AKAP13: variants seen among roughly 807,000 people sequenced by gnomAD.
AKAP13 encodes the protein A-kinase anchor protein 13.
Under a neutral mutation model 264.5 loss-of-function variants are expected in AKAP13, and 80 were observed. The ratio of observed to expected loss-of-function variants is 0.30; its 90% CI spans 0.25 to 0.36. The LOEUF is 0.36. Ranked by LOEUF, AKAP13 falls within the 10% of genes least tolerant of loss-of-function variation. The probability of loss-of-function intolerance (pLI) is 1.00; values close to 1 mark genes in which losing one functional copy is unlikely to be tolerated. For missense variants in AKAP13, 3,712 were observed against 3,435.2 expected, an observed-to-expected ratio of 1.08 and a Z score of -2.01; for synonymous variants, 1,380 against 1,250.2, an observed-to-expected ratio of 1.10 and a Z score of -2.19.
intron 1 of AKAP13, among the ~76,000 whole-genome samples, chr15:85,460,742 A>G (rs1437748222): frequency 6.6e-6 from 1 of 152,238 alleles, no homozygotes; most frequent in Non-Finnish European, 1.5e-5. Context: ...GAAAGGTCAG[A>G]TAAATTTGAC....
intron 1 of AKAP13, among the ~76,000 whole-genome samples, chr15:85,430,949 T>C (rs1020366793): frequency 9.2e-5 from 14 of 152,244 alleles, no homozygotes; most frequent in African/African-American, 3.4e-4. Flanking sequence ...AGCTTTTATC[T>C]GTTGCCCCAG....
chr15:85,587,094 C>T lies in AKAP13; in HGVS notation c.4161+1271C>T, dbSNP rs145290811. On this transcript the variant is annotated intron_variant, in intron 8 of 36. Coordinates refer to ENST00000394518, the MANE Select transcript of AKAP13 (RefSeq NM_007200.5). ...TTACAGAGTTCTGCAACCATCGCCA[C>T]TAAGGCTCTAATTTCAGAACATTAT... Among the ~76,000 whole-genome samples the T allele has an allele frequency of 5.9e-4, 90 of 152,292 alleles. No individual in the cohort carries two copies. The East Asian group carries it at 0.011, about 18-fold the overall frequency.
At position 85,434,280 on chromosome 15, in the gene AKAP13, A is replaced by C. The variant is rs1246315522; in HGVS notation, c.-11-51430A>C. 6.6e-5 allele frequency among the ~76,000 whole-genome samples: 10 copies of C among 152,070 alleles called. No homozygotes were observed. In the South Asian group the frequency reaches 2.1e-3, roughly 32 times the overall value. ...TTTCAGACCGGCTTAAAAAACGGCGAACCACGAGATTATATCCCACACCTG... is the reference window on the plus strand; with the variant it reads ...TTTCAGACCGGCTTAAAAAACGGCGCACCACGAGATTATATCCCACACCTG... On this transcript the variant is annotated intron_variant, in intron 1 of 36. Coordinates refer to ENST00000394518, the MANE Select transcript of AKAP13 (RefSeq NM_007200.5).
intron 8 of AKAP13, among the ~76,000 whole-genome samples, chr15:85,618,684 A>G (rs1005400731): frequency 6.6e-6 from 1 of 152,194 alleles, no homozygotes; most frequent in African/African-American, 2.4e-5. Context: ...CAGACCCACA[A>G]TTCAAGACCC....
At chr15:85,622,444 A>G (rs1300473203) in intron 8 of AKAP13, among the ~76,000 whole-genome samples, 5 of 152,168 alleles carry the variant, frequency 3.3e-5, no homozygotes, top group Non-Finnish European at 7.4e-5. Context: ...CCTTGAGTGG[A>G]AAGTGGGGTA....
intron 2 of AKAP13, among the ~76,000 whole-genome samples, chr15:85,504,729 G>C (rs1261617262): frequency 6.7e-6 from 1 of 150,270 alleles, no homozygotes; most frequent in Non-Finnish European, 1.5e-5. Context: ...TTACATGTCT[G>C]CATTTTAGCC....
At chr15:85,419,428 G>A (rs558429534) in intron 1 of AKAP13, among the ~76,000 whole-genome samples, 2 of 152,276 alleles carry the variant, frequency 1.3e-5, no homozygotes, top group East Asian at 1.9e-4. Context: ...TAACGTGGCC[G>A]CTGATACATT....
Position 85,748,511 on chromosome 15 carries a change from A to T in AKAP13, c.*3834A>T, listed in dbSNP as rs2089435150. On this transcript the variant is annotated 3_prime_UTR_variant, in exon 37 of 37. Coordinates refer to ENST00000394518, the MANE Select transcript of AKAP13 (RefSeq NM_007200.5). ...TCGTCCATCCTCAGAGACAAAGAAG[A>T]GGGCAGGGAGTTTGGGCTTGGTTTT... 6.6e-6 allele frequency: 1 copy of T among 152,186 alleles called. No homozygotes were observed. Among genetic ancestry groups the T allele is most frequent in the Non-Finnish European group, 1.5e-5 (1 of 68,058 alleles). The allele number at this position is 152,186 out of a possible 1,614,324, so 9.4% of individuals were successfully genotyped here.
intron 16 of AKAP13, among the ~76,000 whole-genome samples, chr15:85,685,764 G>A (rs2084876966): frequency 6.6e-6 from 1 of 152,234 alleles, no homozygotes. Flanking sequence ...AGCCCTGGGT[G>A]TGATCCACCG....
chr15:85,383,976 A>G (rs2070424453), intron 1 of AKAP13, among the ~76,000 whole-genome samples: 1 of 152,196 alleles, frequency 6.6e-6, no homozygotes, highest in Non-Finnish European at 1.5e-5. Context: ...TTTACAGAAG[A>G]AGGCAGTGAT....
intron 8 of AKAP13, among the ~76,000 whole-genome samples, chr15:85,604,757 C>T (rs947011132): frequency 6.9e-6 from 1 of 144,512 alleles, no homozygotes; most frequent in Non-Finnish European, 1.5e-5. Flanking sequence ...AACTGCTGCA[C>T]CCAGCCTTCA....
In AKAP13 at chr15:85,614,335, G is replaced by A. The variant is rs970374459; in HGVS notation, c.4162-25039G>A. 5.2e-4 allele frequency among the ~76,000 whole-genome samples: 79 copies of A among 152,208 alleles called. 1 individual carries two copies. On this transcript the variant is annotated intron_variant, in intron 8 of 36. Transcript: ENST00000394518. ...TGCTCCAAAGAGAAAAGCCAGATCA[G>A]TGTATCTGTTCATTTTCAGGAAGAC... is the stretch of plus-strand genomic sequence containing the variant.
chr15:85,625,979 G>A (rs992433627), intron 8 of AKAP13, among the ~76,000 whole-genome samples: 1 of 152,246 alleles, frequency 6.6e-6, no homozygotes, highest in Non-Finnish European at 1.5e-5. Context: ...TTACTTTATA[G>A]TAAGCACAAT....
chr15:85,710,725 T>C, intron 19 of AKAP13, 80 bp downstream of exon 19: 1 of 1,475,248 alleles, frequency 6.8e-7, no homozygotes, highest in Non-Finnish European at 9.3e-7. Context: ...AATATTCAGT[T>C]ATTATTCATA....
At chr15:85,473,286 A>G (rs1490594674) in intron 1 of AKAP13, among the ~76,000 whole-genome samples, 1 of 152,252 alleles carries the variant, frequency 6.6e-6, no homozygotes, top group African/African-American at 2.4e-5. Flanking sequence ...ATGTAGGCTT[A>G]CAGACCCAGG....
At chr15:85,538,420 A>G (rs2151200880) in intron 4 of AKAP13, among the ~76,000 whole-genome samples, 1 of 152,166 alleles carries the variant, frequency 6.6e-6, no homozygotes, top group South Asian at 2.1e-4. Flanking sequence ...ATTGGTTAAT[A>G]GGTCGCCCAC....
At chr15:85,688,426 C>A (rs1049976048) in intron 16 of AKAP13, among the ~76,000 whole-genome samples, 2 of 152,154 alleles carry the variant, frequency 1.3e-5, no homozygotes, top group African/African-American at 2.4e-5. Context: ...AGACCTACAT[C>A]TTTTAAAGGA....
At chr15:85,720,061 T>A (rs557194118) in intron 23 of AKAP13, among the ~76,000 whole-genome samples, 1 of 152,030 alleles carries the variant, frequency 6.6e-6, no homozygotes, top group South Asian at 2.1e-4. Flanking sequence ...CCAAGAGCTG[T>A]CTCTACAAAA....
intron 8 of AKAP13, among the ~76,000 whole-genome samples, chr15:85,615,081 A>G (rs935077233): frequency 6.6e-6 from 1 of 152,186 alleles, no homozygotes; most frequent in African/African-American, 2.4e-5. Flanking sequence ...GATCCATGAG[A>G]CCTTGTTCCT....
Sources: allele counts gnomAD v4.1 joint callset (sites outside exome capture counted in the v4.1 genomes callset), GRCh38; gene constraint gnomAD v4.1.1; transcripts MANE v1.5; gene names NCBI Gene and HGNC (gene_info 2026-07-23, HGNC 2026-07-21).